GNAS: variants seen among roughly 807,000 people sequenced by gnomAD.
The protein encoded by GNAS is protein ALEX.
Under a neutral mutation model 54.5 loss-of-function variants are expected in GNAS, and 8 were observed. The ratio of observed to expected loss-of-function variants is 0.15; its 90% CI spans 0.09 to 0.26. The LOEUF (loss-of-function observed/expected upper bound fraction) is 0.26. GNAS is among the 10% of genes least tolerant of loss of function. The pLI is 1.00. For synonymous variants in GNAS, 204 were observed against 191.4 expected (o/e 1.07, Z -0.54); for missense variants, 170 against 529.8 (o/e 0.32, Z 6.67).
chr20:58,873,688 A>G lies in GNAS; in HGVS notation c.44-21924A>G, dbSNP rs2087610740. ...TTGCCTGGTCGGTGAGTTTGCCTCA[A>G]TTCGGGCATTTTCATTTGTTCATTC... On this transcript the variant is annotated intron_variant, in intron 1 of 12. Coordinates refer to the GNAS transcript ENST00000306090. The surrounding 1 kb of genome is among the most constrained non-coding windows in gnomAD (Gnocchi z 4.3). Among the ~76,000 whole-genome samples, 1 of 152,216 alleles carries G rather than the reference A, an allele frequency of 6.6e-6. No individual in the cohort carries two copies. The highest frequency in any genetic ancestry group is 2.1e-4 in the South Asian group (1 of 4,832).
chr20:58,879,798 C>T (rs1001411220), intron 1 of GNAS, among the ~76,000 whole-genome samples: 2 of 152,162 alleles, frequency 1.3e-5, no homozygotes, highest in African/African-American at 4.8e-5. Context: ...CTCTCAGCAA[C>T]ATCACTGTCA....
intron 2 of GNAS, among the ~76,000 whole-genome samples, chr20:58,896,670 C>T (rs2090092292): frequency 6.6e-6 from 1 of 151,572 alleles, no homozygotes; most frequent in Non-Finnish European, 1.5e-5. Flanking sequence ...ACTAAGTTGA[C>T]CAGTCTGTTT....
At chr20:58,854,868 A>G in intron 1 of GNAS, 1 of 1,596,182 alleles carries the variant, frequency 6.3e-7, no homozygotes, top group Non-Finnish European at 8.5e-7. Flanking sequence ...CAGCCCCGAG[A>G]TCCAGGCTGC....
At chr20:58,879,931 T>C (rs1458418546) in intron 1 of GNAS, among the ~76,000 whole-genome samples, 3 of 152,170 alleles carry the variant, frequency 2.0e-5, no homozygotes, top group Non-Finnish European at 2.9e-5. Flanking sequence ...AGCATTTCGC[T>C]TTTACAGAAA....
intron 1 of GNAS, among the ~76,000 whole-genome samples, chr20:58,871,130 G>T (rs1026565011): frequency 6.6e-6 from 1 of 152,160 alleles, no homozygotes; most frequent in Admixed American, 6.5e-5. Flanking sequence ...TTTCGCTAGC[G>T]GGGAAGAGCA....
At chr20:58,896,785 G>T (rs1260909214) in intron 2 of GNAS, among the ~76,000 whole-genome samples, 2 of 152,052 alleles carry the variant, frequency 1.3e-5, no homozygotes, top group Admixed American at 1.3e-4. Flanking sequence ...CTTAAACTTG[G>T]ATTCGATTGA....
At chr20:58,903,139 CCACCCCAACCTCATAGTGACCTAT>C in intron 3 of GNAS, 1 of 365,486 alleles carries the variant, frequency 2.7e-6, no homozygotes, top group Admixed American at 3.8e-5. Context: ...CTGTTTTGTT[CCACCCCAACCTCATAGTGACCTAT>C]CACTCCAGCC....
chr20:58,858,027 C>T (rs2086588485), intron 1 of GNAS, among the ~76,000 whole-genome samples: 1 of 152,060 alleles, frequency 6.6e-6, no homozygotes, highest in Admixed American at 6.5e-5. Flanking sequence ...TGCAGTTTGT[C>T]AAAGCAGGCT....
upstream of GNAS, among the ~76,000 whole-genome samples, chr20:58,887,674 C>T (rs1410602921): frequency 6.6e-6 from 1 of 152,188 alleles, no homozygotes; most frequent in Non-Finnish European, 1.5e-5. Flanking sequence ...AGGAGTGTGA[C>T]AAAAACCTGG....
At chr20:58,896,924 C>T (rs2090123168) in intron 2 of GNAS, among the ~76,000 whole-genome samples, 1 of 152,174 alleles carries the variant, frequency 6.6e-6, no homozygotes, top group South Asian at 2.1e-4. Context: ...TTACTAGTCA[C>T]TAAGCATCCA....
chr20:58,908,155 CTCTT>C (rs1306109686), intron 6 of GNAS, among the ~76,000 whole-genome samples: 1 of 152,182 alleles, frequency 6.6e-6, no homozygotes, highest in African/African-American at 2.4e-5. Context: ...AAACTTTTCT[CTCTT>C]TATGATTTTC....
At chr20:58,894,511 AAAG>A (rs1266738201) in intron 1 of GNAS, among the ~76,000 whole-genome samples, 1 of 151,916 alleles carries the variant, frequency 6.6e-6, no homozygotes, top group Non-Finnish European at 1.5e-5. Flanking sequence ...TAAAAGTTAA[AAAG>A]AAAGAAAAAG....
chr20:58,855,249 G>A (rs1297246287), intron 1 of GNAS: 1 of 1,590,260 alleles, frequency 6.3e-7, no homozygotes, highest in Non-Finnish European at 8.6e-7. Flanking sequence ...GAAGCGCGCA[G>A]AGAAGAAACG....
At chr20:58,840,473 A>G (rs1131691907), upstream of GNAS, 1 of 1,613,436 alleles carries the variant, frequency 6.2e-7, no homozygotes, top group South Asian at 1.1e-5. The surrounding 1 kb of genome is among the most constrained non-coding windows in gnomAD (Gnocchi z 6.0). Flanking sequence ...CGAGTCCGAG[A>G]CCGACTTCGA....
intron 1 of GNAS, among the ~76,000 whole-genome samples, chr20:58,843,650 G>GGGA (rs1008112560): frequency 6.6e-6 from 1 of 152,234 alleles, no homozygotes; most frequent in Non-Finnish European, 1.5e-5. Flanking sequence ...TGGAGGGTGA[G>GGGA]GGAGGAGGAG....
intron 1 of GNAS, 57 bp from the exon 2 acceptor site, chr20:58,895,555 C>T (rs771384997): frequency 3.6e-5 from 38 of 1,041,194 alleles, no homozygotes; most frequent in Non-Finnish European, 4.7e-5. Flanking sequence ...GCAGACCTCC[C>T]TGCCCAAAGT....
rs960848369 is a variant in GNAS at position 58,863,338 on chromosome 20, A to G, written c.43+22452A>G. On this transcript the variant is annotated intron_variant, in intron 1 of 12. Transcript: ENST00000306090. The surrounding 1 kb of genome is among the most constrained non-coding windows in gnomAD (Gnocchi z 4.1). ...ATTGCAGAGTAATTTGTTAAACCTC[A>G]GGAGTATTTAAATTCAGGAGTATTT... Among the ~76,000 whole-genome samples the G allele has an allele frequency of 2.0e-5, 3 of 152,182 alleles. No homozygotes were observed. Among genetic ancestry groups the G allele is most frequent in the African/African-American group, 7.2e-5 (3 of 41,438 alleles).
upstream of GNAS, chr20:58,890,891 T>G (rs900814856): frequency 6.6e-6 from 1 of 152,090 alleles, no homozygotes; most frequent in Non-Finnish European, 1.5e-5. Context: ...ACACTCCTGC[T>G]CTCTGGCTCT....
chr20:58,877,185 T>G (rs2087880192), intron 1 of GNAS, among the ~76,000 whole-genome samples: 3 of 149,284 alleles, frequency 2.0e-5, no homozygotes, highest in Admixed American at 6.7e-5. Context: ...AGGCTCGTGG[T>G]GGGGGGAAAG....
Sources: allele counts gnomAD v4.1 joint callset (sites outside exome capture counted in the v4.1 genomes callset), GRCh38; gene constraint gnomAD v4.1.1; non-coding constraint Gnocchi (gnomAD v3.1); transcripts MANE v1.5; gene names NCBI Gene and HGNC (gene_info 2026-07-23, HGNC 2026-07-21).